Variants in A2ML1 observed in about 807,000 individuals in gnomAD.
A2ML1 encodes the protein alpha-2-macroglobulin like 1.
In A2ML1, 161 loss-of-function variants were observed where a neutral mutation model predicts 181.9. The observed-to-expected ratio is 0.89, with a 90% confidence interval of 0.78 to 1.01. The LOEUF (loss-of-function observed/expected upper bound fraction) is 1.01. Ranked by LOEUF, A2ML1 falls within the 50% of genes least tolerant of loss-of-function variation. The probability of loss-of-function intolerance (pLI) is 0.00; values close to 1 mark genes in which losing one functional copy is unlikely to be tolerated. For synonymous variants in A2ML1, 663 were observed against 666.8 expected (o/e 0.99, Z 0.09); for missense variants, 1,670 against 1,768.1 (o/e 0.94, Z 1.00).
intron 33 of A2ML1, among the ~76,000 whole-genome samples, chr12:8,870,085 CA>C (rs1944566887): frequency 6.6e-6 from 1 of 152,148 alleles, no homozygotes; most frequent in Non-Finnish European, 1.5e-5. Flanking sequence ...CCATTCCACA[CA>C]AGGAACAAAG....
chr12:8,880,185 G>A (rs576679246), downstream of A2ML1, among the ~76,000 whole-genome samples: 13 of 146,588 alleles, frequency 8.9e-5, no homozygotes, highest in Admixed American at 3.4e-4. Flanking sequence ...CCAATATGGT[G>A]AAACCTCGTC....
intron 33 of A2ML1, among the ~76,000 whole-genome samples, chr12:8,873,818 C>A (rs756631423): frequency 2.1e-3 from 315 of 152,070 alleles, no homozygotes; most frequent in Non-Finnish European, 3.0e-3. Context: ...GTTTCTCTGG[C>A]CACTTTGACT....
intron 18 of A2ML1, 83 bp downstream of exon 18, chr12:8,850,357 G>A: frequency 1.9e-6 from 2 of 1,047,144 alleles, no homozygotes; most frequent in Non-Finnish European, 2.7e-6. Flanking sequence ...GGCTTAGGAG[G>A]GAGGATCACT....
chr12:8,885,273 T>G (rs1413830635), intron 7 of A2ML1, among the ~76,000 whole-genome samples: 1 of 152,124 alleles, frequency 6.6e-6, no homozygotes, highest in Non-Finnish European at 1.5e-5. Context: ...TGCCTGGGTG[T>G]GGTGGCTCAC....
chr12:8,856,630 T>C (rs1237891131), intron 23 of A2ML1, among the ~76,000 whole-genome samples: 2 of 152,148 alleles, frequency 1.3e-5, no homozygotes, highest in Non-Finnish European at 1.5e-5. Context: ...AAGAGATTGA[T>C]CCTAAGTGTT....
intron 29 of A2ML1, among the ~76,000 whole-genome samples, chr12:8,865,351 C>T (rs1236168982): frequency 6.6e-6 from 1 of 151,680 alleles, no homozygotes; most frequent in Non-Finnish European, 1.5e-5. Flanking sequence ...ACCAGCCTGA[C>T]CAACATGGAG....
Position 8,885,755 on chromosome 12 carries a change from C to A in A2ML1, c.*95-752C>A, listed in dbSNP as rs749016400. ...TTGACATTACAGGCGTGAGCCACTG[C>A]ACCCAGCTAAAAGCTGTTTTTGTTT... On this transcript the variant is annotated intron_variant and NMD_transcript_variant, in intron 7 of 7. Coordinates refer to the A2ML1 transcript ENST00000537475. 9.2e-5 allele frequency among the ~76,000 whole-genome samples: 14 copies of A among 152,328 alleles called. No individual in the cohort carries two copies. The East Asian group carries it at 2.5e-3, about 27-fold the overall frequency.
At chr12:8,883,363 C>T (rs776912673) in intron 7 of A2ML1, among the ~76,000 whole-genome samples, 1 of 152,202 alleles carries the variant, frequency 6.6e-6, no homozygotes, top group African/African-American at 2.4e-5. Context: ...ACGTGCCCAA[C>T]TAAAATCGTC....
At chr12:8,847,823 G>C in intron 15 of A2ML1, 125 bp downstream of exon 15, 1 of 1,290,562 alleles carries the variant, frequency 7.7e-7, no homozygotes, top group Non-Finnish European at 1.0e-6. Context: ...GCGGTAAAAA[G>C]GCTGGTGTGA....
chr12:8,842,661 C>G (rs754492017), intron 11 of A2ML1, among the ~76,000 whole-genome samples: 26 of 152,270 alleles, frequency 1.7e-4, no homozygotes, highest in African/African-American at 6.0e-4. Context: ...TTAATGAGAT[C>G]GTTCAACCTC....
Position 8,822,712 on chromosome 12 carries a change from C to A in A2ML1, c.61C>A (p.Pro21Thr). ...ATCACCAGCCATTGCAGAAGAACTT[C>A]CGTGAGTGCTTGGTGTCAGAATTGG... ...ALSPAIAEEL[P>T]NYLVTLPARL... is the part of the protein sequence containing the mutation. Residue 21 changes from proline to threonine, a missense_variant and splice_region_variant, in exon 1 of 36, where the codon CCA (proline) becomes ACA (threonine). Transcript: ENST00000299698. 1.9e-6 allele frequency: 3 copies of A among 1,614,126 alleles called. No individual in the cohort carries two copies. The highest frequency in any genetic ancestry group is 2.5e-6 in the Non-Finnish European group (3 of 1,179,960).
intron 4 of A2ML1, among the ~76,000 whole-genome samples, chr12:8,834,420 C>T (rs993832574): frequency 2.0e-5 from 3 of 152,190 alleles, no homozygotes; most frequent in Non-Finnish European, 2.9e-5. Context: ...CTTTTGGAGA[C>T]TGGCAATTCC....
rs79279876 is a variant in A2ML1, at chr12:8,857,041, C to T, written c.2849-123C>T. 8.6e-3 allele frequency: 8,389 copies of T among 975,214 alleles called. 479 individuals are homozygous for T. In the African/African-American group the frequency reaches 0.12, roughly 14 times the overall value. 60.4% of individuals were successfully genotyped at this position (975,214 alleles called of 1,614,324 possible). On this transcript the variant is annotated intron_variant, in intron 23 of 35. Transcript: ENST00000299698. ...AATTACAGGCGTGAGCCACCACGCC[C>T]GGCCCATAGTAGGTACTTATTAAAT...
chr12:8,855,722 G>GT (rs1243204426), intron 23 of A2ML1, 130 bp downstream of exon 23: 3 of 782,648 alleles, frequency 3.8e-6, no homozygotes, highest in Non-Finnish European at 6.2e-6. Flanking sequence ...GAAAAAGAGC[G>GT]TATTTTATAT....
At chr12:8,842,791 T>C (rs998147442) in intron 11 of A2ML1, among the ~76,000 whole-genome samples, 1 of 152,218 alleles carries the variant, frequency 6.6e-6, no homozygotes, top group African/African-American at 2.4e-5. Flanking sequence ...CTGTGCCTAG[T>C]TTTCTTATCC....
chr12:8,824,453 G>A (rs1184174650), intron 3 of A2ML1, among the ~76,000 whole-genome samples: 1 of 151,702 alleles, frequency 6.6e-6, no homozygotes, highest in Non-Finnish European at 1.5e-5. Flanking sequence ...GGGTACATGT[G>A]TATCCATCAC....
At position 8,860,893 on chromosome 12, in the gene A2ML1, G is replaced by C; in HGVS notation, c.3277G>C (p.Asp1093His). ...LHTAMKGGVD[D>H]EVSLTAYVTA... ...TGTTTGCCTCTAGGGTGGTGTTGATGATGAGGTCTCCTTGACTGCGTATGT... is the reference window on the plus strand; with the variant it reads ...TGTTTGCCTCTAGGGTGGTGTTGATCATGAGGTCTCCTTGACTGCGTATGT... The change falls in exon 27 of 36, where the codon GAT (aspartate) becomes CAT (histidine). Residue 1093 changes from aspartate (D) to histidine (H), a missense_variant. Coordinates refer to ENST00000299698, the MANE Select transcript of A2ML1 (RefSeq NM_144670.6). 6.2e-7 allele frequency: 1 copy of C among 1,614,136 alleles called. No homozygotes were observed. Among genetic ancestry groups the C allele is most frequent in the Non-Finnish European group, 8.5e-7 (1 of 1,180,050 alleles).
intron 4 of A2ML1, among the ~76,000 whole-genome samples, chr12:8,833,986 A>T (rs751004674): frequency 5.8e-4 from 88 of 152,166 alleles, no homozygotes; most frequent in Non-Finnish European, 1.0e-3. Flanking sequence ...TCTTCTTTCC[A>T]AGTTAGATCC....
At position 8,850,185 on chromosome 12, in the gene A2ML1, T is replaced by G. The variant is rs1943840432; in HGVS notation, c.2145T>G (p.Phe715Leu). 1 of 1,612,440 alleles carries G rather than the reference T, an allele frequency of 6.2e-7. No individual in the cohort carries two copies. Among genetic ancestry groups the G allele is most frequent in the South Asian group, 1.1e-5 (1 of 90,816 alleles). The change falls in exon 18 of 36, where the codon TTT becomes TTG. Residue 715 changes from phenylalanine (F) to leucine (L), a missense_variant. By Grantham distance (22) the Phe-to-Leu change is conservative. Coordinates refer to ENST00000299698, the MANE Select transcript of A2ML1 (RefSeq NM_144670.6). The stretch of plus-strand genomic sequence containing the variant: ...CAGGCGGTGGTCATCCAGAGGCTTT[T>G]GAGTCATCAACTCCTTTACATCAAG... The part of the protein sequence containing the change: ...MGAGGGHPEA[F>L]ESSTPLHQAE...
Sources: gnomAD v4.1 joint callset for allele counts (sites outside exome capture counted in the v4.1 genomes callset) on GRCh38, gnomAD v4.1.1 for gene constraint, MANE v1.5 for transcripts, NCBI Gene and HGNC (gene_info 2026-07-23, HGNC 2026-07-21) for gene names.